The following CCDC50 variants were observed in gnomAD, a reference collection of about 807,000 sequenced individuals.
CCDC50 encodes the protein coiled-coil domain containing 50.
CCDC50 carries 54 observed loss-of-function variants against 70.2 expected under a neutral mutation model. The ratio of observed to expected loss-of-function variants is 0.77; its 90% CI spans 0.62 to 0.96. The LOEUF (loss-of-function observed/expected upper bound fraction) is 0.96. Ranked by LOEUF, CCDC50 falls within the 50% of genes least tolerant of loss-of-function variation. CCDC50 has a pLI of 0.00. For synonymous variants in CCDC50, 216 were observed against 198.8 expected (o/e 1.09, Z -0.73); for missense variants, 558 against 578.7 (o/e 0.96, Z 0.37).
chr3:191,337,168 GA>G (rs60939957), intron 1 of CCDC50, among the ~76,000 whole-genome samples: 24,791 of 141,002 alleles, frequency 0.18, 3,118 homozygotes, highest in African/African-American at 0.37. Context: ...ATACTAGACA[GA>G]AAAAAAAAAA....
chr3:191,332,395 A>T (rs1718020454), intron 1 of CCDC50, among the ~76,000 whole-genome samples: 1 of 152,240 alleles, frequency 6.6e-6, no homozygotes, highest in African/African-American at 2.4e-5. Context: ...GGTGAAAAGA[A>T]TCAAGTCAAC....
intron 10 of CCDC50, among the ~76,000 whole-genome samples, chr3:191,384,567 A>G (rs1713425154): frequency 6.6e-6 from 1 of 152,188 alleles, no homozygotes; most frequent in African/African-American, 2.4e-5. Context: ...ATTCTTATGT[A>G]GAGCTTGTAA....
chr3:191,329,759 C>G, intron 1 of CCDC50, 36 bp downstream of exon 1: 1 of 1,595,934 alleles, frequency 6.3e-7, no homozygotes, highest in Non-Finnish European at 8.5e-7. Context: ...CGGGACCCTC[C>G]CCTCTCCCAG....
At position 191,374,536 on chromosome 3, in the gene CCDC50, C is replaced by A. The variant is rs543278584; in HGVS notation, c.449-526C>A. 4.6e-5 allele frequency among the ~76,000 whole-genome samples: 7 copies of A among 152,078 alleles called. No individual in the cohort carries two copies. The South Asian group carries it at 1.5e-3, about 32-fold the overall frequency. ...GTTTGCTTTGGCCACATAAAGTGGG[C>A]AGATGGAGGCATATAAAAATCTGTG... On this transcript the variant is annotated intron_variant, in intron 5 of 11. Transcript: ENST00000392455.
chr3:191,365,441 T>A (rs1207772120), intron 4 of CCDC50, among the ~76,000 whole-genome samples: 1 of 152,140 alleles, frequency 6.6e-6, no homozygotes, highest in Non-Finnish European at 1.5e-5. Flanking sequence ...TTTTCCTGTG[T>A]TTTAAGTATT....
At position 191,348,525 on chromosome 3, in the gene CCDC50, A is replaced by G. The variant is rs1271631669; in HGVS notation, c.50-8563A>G. ...TGGACAGTCTAGTAGTGGGATTATT[A>G]TACTAAGGATAATAACTACAAGACA... On this transcript the variant is annotated intron_variant, in intron 1 of 11. Coordinates refer to ENST00000392455, the MANE Select transcript of CCDC50 (RefSeq NM_178335.3). Among the ~76,000 whole-genome samples, 2 of 142,342 alleles carry G rather than the reference A, an allele frequency of 1.4e-5. 1 individual carries two copies. The highest frequency in any genetic ancestry group is 3.2e-5 in the Non-Finnish European group (2 of 63,168). 93.4% of individuals were successfully genotyped at this position (142,342 alleles called of 152,430 possible). A position where few individuals can be genotyped will look rare whatever the true frequency, so the allele number is the denominator to read the frequency against.
intron 7 of CCDC50, 98 bp downstream of exon 7, chr3:191,380,372 T>A: frequency 1.2e-6 from 1 of 809,986 alleles, no homozygotes; most frequent in Non-Finnish European, 2.1e-6. Flanking sequence ...CTCTATCAAT[T>A]GAGAAACCTT....
chr3:191,389,669 A>G, intron 11 of CCDC50, 67 bp downstream of exon 11: 1 of 1,214,940 alleles, frequency 8.2e-7, no homozygotes, highest in East Asian at 2.3e-5. Context: ...GTTGTAGTGG[A>G]AAAATCAAAT....
intron 4 of CCDC50, among the ~76,000 whole-genome samples, chr3:191,363,379 A>G (rs150562461): frequency 1.6e-4 from 25 of 152,304 alleles, no homozygotes; most frequent in Admixed American, 8.5e-4. Flanking sequence ...AGTTACACTC[A>G]CCTGGGTTTG....
chr3:191,330,034 G>C (rs528714415), intron 1 of CCDC50, among the ~76,000 whole-genome samples: 2 of 151,984 alleles, frequency 1.3e-5, no homozygotes, highest in African/African-American at 4.8e-5. Context: ...GCTGAGAGCC[G>C]GGTGAATCTG....
At chr3:191,335,630 T>C (rs1711507507) in intron 1 of CCDC50, among the ~76,000 whole-genome samples, 1 of 152,018 alleles carries the variant, frequency 6.6e-6, no homozygotes, top group African/African-American at 2.4e-5. Context: ...CATACACACA[T>C]ACATTAAGTG....
At position 191,396,234 on chromosome 3, in the gene CCDC50, T is replaced by C. The variant is rs1447529794; in HGVS notation, c.*4474T>C. The C allele has an allele frequency of 6.6e-6, 1 of 152,194 alleles. No individual in the cohort carries two copies. Among genetic ancestry groups the C allele is most frequent in the Admixed American group, 6.5e-5 (1 of 15,270 alleles). 9.4% of individuals were successfully genotyped at this position (152,194 alleles called of 1,614,324 possible). A position where few individuals can be genotyped will look rare whatever the true frequency, so the allele number is the denominator to read the frequency against. ...GGAGCAGTACTGCCTTAAATTAGTT[T>C]GACTCTGACTGATGTCAGTGTACGT... On this transcript the variant is annotated 3_prime_UTR_variant, in exon 12 of 12. Coordinates refer to ENST00000392455, the MANE Select transcript of CCDC50 (RefSeq NM_178335.3).
chr3:191,361,623 CTCTG>C (rs1205834697), intron 4 of CCDC50, among the ~76,000 whole-genome samples: 2 of 152,188 alleles, frequency 1.3e-5, no homozygotes, highest in Non-Finnish European at 2.9e-5. Flanking sequence ...TGGCTTTATT[CTCTG>C]TCTGTATCTT....
chr3:191,373,221 A>G (rs1305482461), intron 5 of CCDC50, among the ~76,000 whole-genome samples: 5 of 152,090 alleles, frequency 3.3e-5, no homozygotes, highest in African/African-American at 1.2e-4. Context: ...CAACTGTATG[A>G]GGTTTTAAAG....
At chr3:191,385,501 G>GT (rs1431146866) in intron 10 of CCDC50, among the ~76,000 whole-genome samples, 17 of 151,992 alleles carry the variant, frequency 1.1e-4, no homozygotes, top group African/African-American at 3.6e-4. Flanking sequence ...TAATAGGGTT[G>GT]TTTTTTCCTT....
intron 11 of CCDC50, among the ~76,000 whole-genome samples, chr3:191,390,898 TC>T (rs1713671367): frequency 6.6e-6 from 1 of 152,208 alleles, no homozygotes; most frequent in East Asian, 1.9e-4. Context: ...TTCAAACGCC[TC>T]TGACAGAGGA....
At chr3:191,334,391 A>G (rs1718077491) in intron 1 of CCDC50, among the ~76,000 whole-genome samples, 2 of 152,216 alleles carry the variant, frequency 1.3e-5, no homozygotes, top group Admixed American at 1.3e-4. Flanking sequence ...TGTAAAATAT[A>G]TATTTTTTAA....
intron 1 of CCDC50, among the ~76,000 whole-genome samples, chr3:191,341,530 A>G (rs1473774685): frequency 6.6e-6 from 1 of 152,060 alleles, no homozygotes; most frequent in Non-Finnish European, 1.5e-5. Context: ...TGCTCTGTAT[A>G]CTCTGTTTAT....
At position 191,378,594 on chromosome 3, in the gene CCDC50, A is replaced by G. The variant is rs150869372; in HGVS notation, c.977-1565A>G. 3.2e-3 allele frequency among the ~76,000 whole-genome samples: 488 copies of G among 152,222 alleles called. 3 individuals are homozygous for G. Among genetic ancestry groups the G allele is most frequent in the African/African-American group, 0.011 (463 of 41,550 alleles). ...GTTTATATAGCAGACTATCTTGTCCACTGACATTGCCCAGTACTGAGTTCC... is the reference window on the plus strand; with the variant it reads ...GTTTATATAGCAGACTATCTTGTCCGCTGACATTGCCCAGTACTGAGTTCC... On this transcript the variant is annotated intron_variant, in intron 6 of 11. Coordinates refer to ENST00000392455, the MANE Select transcript of CCDC50 (RefSeq NM_178335.3).
Sources: gnomAD v4.1 joint callset for allele counts (sites outside exome capture counted in the v4.1 genomes callset) on GRCh38, gnomAD v4.1.1 for gene constraint, MANE v1.5 for transcripts, NCBI Gene and HGNC (gene_info 2026-07-23, HGNC 2026-07-21) for gene names.